DHX57: variants seen among roughly 807,000 people sequenced by gnomAD.
DHX57 encodes the protein DExH-box helicase 57.
A neutral mutation model predicts 156.2 loss-of-function variants in DHX57; 105 were observed. The ratio of observed to expected loss-of-function variants is 0.67; its 90% CI spans 0.57 to 0.79. The LOEUF is 0.79. Ranked by LOEUF, DHX57 falls within the 30% of genes least tolerant of loss-of-function variation. The pLI is 0.00. For missense variants in DHX57, 1,847 were observed against 1,661.9 expected, an observed-to-expected ratio of 1.11 and a Z score of -1.94; for synonymous variants, 704 against 595.6, an observed-to-expected ratio of 1.18 and a Z score of -2.65.
chr2:38,809,998 A>G (rs572746499), intron 21 of DHX57, among the ~76,000 whole-genome samples: 2 of 151,760 alleles, frequency 1.3e-5, no homozygotes, highest in Non-Finnish European at 2.9e-5. Flanking sequence ...GGCTCAAGCT[A>G]TTCTTCTGCC....
chr2:38,826,108 G>C (rs1221365603), intron 15 of DHX57, 61 bp from the exon 16 acceptor site: 1 of 1,517,508 alleles, frequency 6.6e-7, no homozygotes, highest in Non-Finnish European at 9.0e-7. Context: ...AAGACTGCTT[G>C]CTATGGACAG....
In DHX57 at chr2:38,798,027, A is replaced by T. The variant is rs1268927778; in HGVS notation, c.*272T>A. 3.9e-5 allele frequency: 13 copies of T among 337,488 alleles called. No homozygotes were observed. The highest frequency in any genetic ancestry group is 2.2e-4 in the Admixed American group (5 of 22,330). 20.9% of individuals were successfully genotyped at this position (337,488 alleles called of 1,614,324 possible). ...ACTTTTGAGTTATCAGGTGAACTTA[A>T]TTCACTCCAGAACAATCACAGAGAC... is the stretch of plus-strand genomic sequence containing the variant. On this transcript the variant is annotated 3_prime_UTR_variant, in exon 24 of 24. Transcript: ENST00000457308.
intron 13 of DHX57, among the ~76,000 whole-genome samples, chr2:38,830,150 C>G (rs1671305262): frequency 6.6e-6 from 1 of 152,166 alleles, no homozygotes; most frequent in Non-Finnish European, 1.5e-5. Flanking sequence ...CAGCAGAGAA[C>G]TCATGACCTA....
chr2:38,823,933 A>G (rs1374289528), intron 16 of DHX57, among the ~76,000 whole-genome samples: 1 of 151,912 alleles, frequency 6.6e-6, no homozygotes, highest in Non-Finnish European at 1.5e-5. Flanking sequence ...AATCACTTGA[A>G]CCCGGAGGTG....
At chr2:38,841,064 C>G (rs150823223) in intron 12 of DHX57, among the ~76,000 whole-genome samples, 16 of 152,310 alleles carry the variant, frequency 1.1e-4, no homozygotes, top group African/African-American at 3.6e-4. Flanking sequence ...CTCATGTGAT[C>G]CTCCTGCCTC....
chr2:38,817,081 C>A (rs781185952), intron 19 of DHX57, among the ~76,000 whole-genome samples: 1 of 152,170 alleles, frequency 6.6e-6, no homozygotes, highest in Non-Finnish European at 1.5e-5. Flanking sequence ...CAGGCGTGCA[C>A]CATCACGCCT....
chr2:38,832,607 G>A (rs950912513), intron 13 of DHX57, among the ~76,000 whole-genome samples: 4 of 150,362 alleles, frequency 2.7e-5, no homozygotes, highest in Middle Eastern at 3.4e-3. Flanking sequence ...GTGAAGTGGC[G>A]CAATCTTGGT....
At chr2:38,856,706 T>C (rs769898114) in intron 6 of DHX57, 5 of 299,252 alleles carry the variant, frequency 1.7e-5, no homozygotes, top group Non-Finnish European at 2.4e-5. Context: ...TTCACCATGT[T>C]GCCCAGGCTG....
chr2:38,856,644 C>T, intron 6 of DHX57, 183 bp from the exon 7 acceptor site: 2 of 649,942 alleles, frequency 3.1e-6, no homozygotes, highest in South Asian at 2.3e-5. Flanking sequence ...GCTGGGACTA[C>T]AGGTGTGTGC....
intron 6 of DHX57, 132 bp from the exon 7 acceptor site, chr2:38,856,593 T>C: frequency 8.4e-7 from 1 of 1,192,006 alleles, no homozygotes; most frequent in Non-Finnish European, 1.1e-6. Context: ...AATCTGCACT[T>C]CCCAGGCTCT....
intron 10 of DHX57, 104 bp downstream of exon 10, chr2:38,848,165 C>T (rs1211151581): frequency 6.0e-6 from 7 of 1,166,954 alleles, no homozygotes; most frequent in Non-Finnish European, 8.2e-6. Context: ...ATAAATGAAT[C>T]GCTTCTCTAG....
chr2:38,849,314 T>G (rs1246428031), intron 9 of DHX57, among the ~76,000 whole-genome samples: 7 of 152,214 alleles, frequency 4.6e-5, no homozygotes, highest in Admixed American at 1.3e-4. Context: ...TTGCCTGGAA[T>G]AGTATGCACG....
chr2:38,815,612 T>A lies in DHX57; in HGVS notation c.3515A>T (p.Asp1172Val), dbSNP rs763295085. Residue 1172 changes from aspartate (D) to valine (V), a missense_variant, in exon 20 of 24, where the codon GAT becomes GTT. Transcript: ENST00000457308. ...LKRQFTELLSDIGFAREGLRA... is the reference protein window; with the variant it reads ...LKRQFTELLSVIGFAREGLRA... The stretch of plus-strand genomic sequence containing the variant: ...GAGCCCTTCCCTTGCAAACCCTATA[T>A]CCGATAACAGTTCCGTGAATTGTCG... The A allele has an allele frequency of 1.2e-6, 2 of 1,614,082 alleles. No homozygotes were observed. The highest frequency in any genetic ancestry group is 1.7e-6 in the Non-Finnish European group (2 of 1,180,028).
chr2:38,805,680 A>G (rs1669900421), intron 22 of DHX57, among the ~76,000 whole-genome samples: 2 of 152,092 alleles, frequency 1.3e-5, no homozygotes, highest in African/African-American at 4.8e-5. Context: ...TCTGGTTTTG[A>G]TGGTATCATT....
intron 19 of DHX57, among the ~76,000 whole-genome samples, chr2:38,817,019 C>T (rs1190067725): frequency 6.6e-6 from 1 of 152,134 alleles, no homozygotes; most frequent in African/African-American, 2.4e-5. Flanking sequence ...TAAACACAGC[C>T]CCCCACCCAC....
At chr2:38,831,449 C>A (rs1212990543) in intron 13 of DHX57, among the ~76,000 whole-genome samples, 1 of 151,924 alleles carries the variant, frequency 6.6e-6, no homozygotes, top group African/African-American at 2.4e-5. Flanking sequence ...CCTGCCTCAG[C>A]CTCCCGACTA....
chr2:38,822,386 G>A (rs1670868598), intron 17 of DHX57, among the ~76,000 whole-genome samples: 1 of 150,802 alleles, frequency 6.6e-6, no homozygotes, highest in Non-Finnish European at 1.5e-5. Flanking sequence ...AGGCCCTAAA[G>A]AAGAATTAAT....
In DHX57 at chr2:38,863,356, T is replaced by G. The variant is rs199609050; in HGVS notation, c.383+5A>C. On this transcript the variant is annotated splice_donor_5th_base_variant and intron_variant, in intron 3 of 23. Transcript: ENST00000457308. The stretch of plus-strand genomic sequence containing the variant: ...ATAATAATTGACTCAAATAAAACAA[T>G]TTACTCAGATCCAGCATCAGCATCT... 536 of 1,604,510 alleles carry G rather than the reference T, an allele frequency of 3.3e-4. 2 individuals carry two copies. In the African/African-American group the frequency reaches 5.3e-3, roughly 16 times the overall value.
chr2:38,868,865 G>T lies in DHX57; in HGVS notation c.-6-454C>A, dbSNP rs186277642. On this transcript the variant is annotated intron_variant, in intron 1 of 23. Coordinates refer to ENST00000457308, the MANE Select transcript of DHX57 (RefSeq NM_198963.3). ...TCTTGCTCTGTCGCCCAGGCCGGAT[G>T]ATCTCAGCTCACTGCAACCTCTGCC... Among the ~76,000 whole-genome samples, 6 of 152,106 alleles carry T rather than the reference G, an allele frequency of 3.9e-5. No homozygotes were observed. In the East Asian group the frequency reaches 5.8e-4, roughly 15 times the overall value.
Sources: gnomAD v4.1 joint callset for allele counts (sites outside exome capture counted in the v4.1 genomes callset) on GRCh38, gnomAD v4.1.1 for gene constraint, MANE v1.5 for transcripts, NCBI Gene and HGNC (gene_info 2026-07-23, HGNC 2026-07-21) for gene names.